Variants in DHRSX observed in about 807,000 individuals in gnomAD.
DHRSX encodes polyprenol dehydrogenase.
Under a neutral mutation model 34.0 loss-of-function variants are expected in DHRSX, and 31 were observed. The observed-to-expected ratio is 0.91, with a 90% confidence interval of 0.69 to 1.23. The LOEUF (loss-of-function observed/expected upper bound fraction) is 1.23, where lower values mean the gene tolerates loss of function less well. Ranked by LOEUF, DHRSX falls within the 50% of genes most tolerant of loss-of-function variation. DHRSX has a pLI of 0.00. For synonymous variants in DHRSX, 201 were observed against 183.8 expected, an observed-to-expected ratio of 1.09 and a Z score of -0.76; for missense variants, 414 against 428.1, an observed-to-expected ratio of 0.97 and a Z score of 0.29.
chrX:2,413,094 C>A (rs954330260), intron 2 of DHRSX, among the ~76,000 whole-genome samples: 1 of 152,076 alleles, frequency 6.6e-6, no homozygotes, highest in African/African-American at 2.4e-5. Context: ...ACTCAGGAGG[C>A]TGAGGCAGGA....
rs1257377092 is a variant in DHRSX at position 2,382,861 on chromosome X, T to C, written c.286+25884A>G. 8.0e-5 allele frequency among the ~76,000 whole-genome samples: 11 copies of C among 137,070 alleles called. No homozygotes were observed. The South Asian group carries it at 2.7e-3, about 33-fold the overall frequency. The allele number at this position is 137,070 out of a possible 152,430, so 89.9% of individuals were successfully genotyped here. A position where few individuals can be genotyped will look rare whatever the true frequency, so the allele number is the denominator to read the frequency against. On this transcript the variant is annotated intron_variant, in intron 3 of 6. Coordinates refer to ENST00000334651, the MANE Select transcript of DHRSX (RefSeq NM_145177.3). ...ATCGCCATCATCATTATCACCATCA[T>C]CATCACTATCATCATCATCATCACC...
At chrX:2,385,108 A>ATGTGTGTG (rs1273797831) in intron 3 of DHRSX, among the ~76,000 whole-genome samples, 17,098 of 122,142 alleles carry the variant, frequency 0.14, 1,138 homozygotes, top group East Asian at 0.21. Flanking sequence ...TCTCAAATAT[A>ATGTGTGTG]TATGTGTGTG....
At chrX:2,330,623 G>C (rs2042457148) in intron 3 of DHRSX, among the ~76,000 whole-genome samples, 1 of 150,120 alleles carries the variant, frequency 6.7e-6, no homozygotes, top group Admixed American at 6.7e-5. Context: ...GAAGGAGGAG[G>C]AGAGAAAGGG....
intron 3 of DHRSX, among the ~76,000 whole-genome samples, chrX:2,403,865 A>G (rs1022683585): frequency 1.3e-5 from 2 of 152,068 alleles, no homozygotes; most frequent in African/African-American, 4.8e-5. Flanking sequence ...TCAAAAAAAA[A>G]AAAAAAAAAT....
chrX:2,298,375 G>C (rs765258215), intron 3 of DHRSX, among the ~76,000 whole-genome samples: 2 of 141,548 alleles, frequency 1.4e-5, no homozygotes, highest in South Asian at 4.4e-4. Context: ...ACAGCTGAAG[G>C]AGGGATCTGG....
At chrX:2,498,625 GAAAAA>G (rs10624636) in intron 1 of DHRSX, among the ~76,000 whole-genome samples, 24 of 128,754 alleles carry the variant, frequency 1.9e-4, no homozygotes, top group Non-Finnish European at 3.7e-4. Flanking sequence ...CAGTAAATGG[GAAAAA>G]AAAAAAAAAA....
intron 1 of DHRSX, among the ~76,000 whole-genome samples, chrX:2,456,546 G>A (rs1335866121): frequency 3.3e-5 from 5 of 150,990 alleles, no homozygotes; most frequent in Admixed American, 1.3e-4. Context: ...CACAGGAGGC[G>A]GAGGTTGCAG....
In DHRSX at chrX:2,431,352, AC is replaced by A. The variant is rs1037343789; in HGVS notation, c.110-6049del. On this transcript the variant is annotated intron_variant, in intron 1 of 6. Transcript: ENST00000334651. The stretch of plus-strand genomic sequence containing the variant: ...AAAAAAAAAAAAAAAGACAAAAAAA[AC>A]CCCCAAACTTTGTCCAATCCGGAGT... 2.5e-3 allele frequency among the ~76,000 whole-genome samples: 339 copies of A among 137,640 alleles called. 1 individual carries two copies. Among genetic ancestry groups the A allele is most frequent in the African/African-American group, 8.9e-3 (330 of 37,036 alleles). The allele number at this position is 137,640 out of a possible 152,430, so 90.3% of individuals were successfully genotyped here. A position where few individuals can be genotyped will look rare whatever the true frequency, so the allele number is the denominator to read the frequency against.
At chrX:2,263,947 C>T (rs1445076671) in intron 5 of DHRSX, among the ~76,000 whole-genome samples, 6 of 152,322 alleles carry the variant, frequency 3.9e-5, no homozygotes, top group Admixed American at 2.0e-4. Flanking sequence ...CATTGCGTGT[C>T]GACAGGAGTC....
At chrX:2,418,425 C>G (rs1444567234) in intron 2 of DHRSX, among the ~76,000 whole-genome samples, 1 of 152,150 alleles carries the variant, frequency 6.6e-6, no homozygotes, top group Non-Finnish European at 1.5e-5. Context: ...ATGACCTGCC[C>G]AACTAGACCT....
At chrX:2,436,493 A>G (rs2043993447) in intron 1 of DHRSX, among the ~76,000 whole-genome samples, 1 of 133,672 alleles carries the variant, frequency 7.5e-6, no homozygotes, top group Admixed American at 7.4e-5. Flanking sequence ...TATTATTATT[A>G]TTATTACTAC....
At chrX:2,285,732 A>G (rs2041797313) in intron 4 of DHRSX, among the ~76,000 whole-genome samples, 1 of 152,202 alleles carries the variant, frequency 6.6e-6, no homozygotes, top group Non-Finnish European at 1.5e-5. Context: ...GCCTATAAAT[A>G]GAAACTCTAT....
At chrX:2,441,947 G>T (rs562436251) in intron 1 of DHRSX, among the ~76,000 whole-genome samples, 3 of 152,160 alleles carry the variant, frequency 2.0e-5, no homozygotes, top group Admixed American at 1.3e-4. Context: ...GGTGGCGTGC[G>T]CCTGTAGGCC....
At chrX:2,450,587 T>C (rs1603109559) in intron 1 of DHRSX, among the ~76,000 whole-genome samples, 1 of 152,268 alleles carries the variant, frequency 6.6e-6, no homozygotes, top group East Asian at 1.9e-4. Flanking sequence ...AGGTGGGCTT[T>C]CCCAGGTTCT....
intron 3 of DHRSX, among the ~76,000 whole-genome samples, chrX:2,379,066 T>C (rs1035185893): frequency 3.3e-5 from 5 of 152,172 alleles, no homozygotes; most frequent in Non-Finnish European, 7.3e-5. Flanking sequence ...CCATTACCCC[T>C]AGATGGGACC....
chrX:2,308,281 G>A (rs939265246), intron 3 of DHRSX, among the ~76,000 whole-genome samples: 1 of 151,902 alleles, frequency 6.6e-6, no homozygotes, highest in African/African-American at 2.4e-5. Context: ...CCAAAATGGT[G>A]GCCTCCTACA....
At chrX:2,317,692 G>C (rs1253775412) in intron 3 of DHRSX, among the ~76,000 whole-genome samples, 2 of 152,066 alleles carry the variant, frequency 1.3e-5, no homozygotes, top group African/African-American at 4.8e-5. Flanking sequence ...GTCTTTGATT[G>C]GCACTCTCTG....
intron 3 of DHRSX, among the ~76,000 whole-genome samples, chrX:2,322,088 G>A (rs187645339): frequency 6.6e-6 from 1 of 151,892 alleles, no homozygotes; most frequent in African/African-American, 2.4e-5. Flanking sequence ...AGTATATACT[G>A]CACCCTATTT....
chrX:2,463,805 GA>G (rs11399591), intron 1 of DHRSX, among the ~76,000 whole-genome samples: 2 of 151,536 alleles, frequency 1.3e-5, no homozygotes, highest in Non-Finnish European at 2.9e-5. Context: ...ACCCAATGAA[GA>G]AAAAAAAGCA....
Sources: gnomAD v4.1 joint callset for allele counts (sites outside exome capture counted in the v4.1 genomes callset) on GRCh38, gnomAD v4.1.1 for gene constraint, MANE v1.5 for transcripts, NCBI Gene and HGNC (gene_info 2026-07-23, HGNC 2026-07-21) for gene names.